Variants in NELL1 observed in about 807,000 individuals in gnomAD.
The protein encoded by NELL1 is protein kinase C-binding protein NELL1.
Under a neutral mutation model 107.4 loss-of-function variants are expected in NELL1, and 76 were observed. The observed-to-expected ratio is 0.71, with a 90% CI of 0.59 to 0.86. The LOEUF (loss-of-function observed/expected upper bound fraction) is 0.86, where lower values mean the gene tolerates loss of function less well. NELL1 is among the 40% of genes least tolerant of loss of function. The pLI, the probability that NELL1 is intolerant of heterozygous loss-of-function variation, is 0.00. For missense variants in NELL1, 1,024 were observed against 1,005.5 expected (o/e 1.02, Z -0.25); for synonymous variants, 353 against 341.2 (o/e 1.03, Z -0.38).
chr11:20,915,717 A>ATATATATATATATATATATTTTTTTTTT, intron 5 of NELL1, among the ~76,000 whole-genome samples: 2 of 58,218 alleles, frequency 3.4e-5, no homozygotes, highest in African/African-American at 1.8e-4. Context: ...ATATATATAT[A>ATATATATATATATATATATTTTTTTTTT]TTTTTTTTTT....
rs779600723 is a variant in NELL1, at chr11:21,570,773, A to G, written c.1990A>G (p.Ile664Val). 1.9e-6 allele frequency: 3 copies of G among 1,611,332 alleles called. No individual in the cohort carries two copies. Among genetic ancestry groups the G allele is most frequent in the South Asian group, 2.2e-5 (2 of 90,972 alleles). ...CTTCATTTCTAAACAGGATGGCAAG[A>G]TATTCTGCCGACGGACAGCTTGTGA... ...CSVCSCKDGK[I>V]FCRRTACDCQ... The change falls in exon 18 of 20, where the codon ATA becomes GTA. Residue 664 changes from isoleucine to valine, a missense_variant. Transcript: ENST00000357134.
intron 14 of NELL1, among the ~76,000 whole-genome samples, chr11:21,280,677 C>CA (rs990797557): frequency 6.6e-6 from 1 of 152,094 alleles, no homozygotes; most frequent in African/African-American, 2.4e-5. Context: ...ACCATCCCAA[C>CA]AGTCAGAACT....
At chr11:21,145,646 C>G (rs1855961345) in intron 13 of NELL1, among the ~76,000 whole-genome samples, 1 of 152,116 alleles carries the variant, frequency 6.6e-6, no homozygotes, top group Non-Finnish European at 1.5e-5. Context: ...TGATCTCTTC[C>G]ACATGTCTTA....
intron 4 of NELL1, among the ~76,000 whole-genome samples, chr11:20,869,502 C>T (rs1849157372): frequency 6.6e-6 from 1 of 152,140 alleles, no homozygotes; most frequent in Non-Finnish European, 1.5e-5. Context: ...ATTTGATCAA[C>T]ATTGTACAGT....
intron 16 of NELL1, among the ~76,000 whole-genome samples, chr11:21,546,254 G>T (rs192922989): frequency 6.4e-4 from 97 of 152,040 alleles, no homozygotes; most frequent in Non-Finnish European, 1.1e-3. Flanking sequence ...GCTTTCCTTT[G>T]TCAGTTTCTG....
chr11:20,680,464 C>G (rs1242492595), intron 2 of NELL1, among the ~76,000 whole-genome samples: 1 of 152,056 alleles, frequency 6.6e-6, no homozygotes, highest in Non-Finnish European at 1.5e-5. Context: ...TGGGTATAAT[C>G]CATTTTGGGG....
intron 12 of NELL1, among the ~76,000 whole-genome samples, chr11:21,072,402 G>A (rs1407645530): frequency 6.6e-6 from 1 of 152,116 alleles, no homozygotes; most frequent in Non-Finnish European, 1.5e-5. Flanking sequence ...TGATCTCTGG[G>A]TTTTATTTAC....
intron 12 of NELL1, among the ~76,000 whole-genome samples, chr11:20,985,486 G>A (rs538729799): frequency 3.9e-5 from 6 of 152,146 alleles, no homozygotes; most frequent in African/African-American, 9.7e-5. Context: ...CAGCTTGGGC[G>A]TATGGACAGC....
chr11:20,791,020 G>A (rs945958245), intron 3 of NELL1, among the ~76,000 whole-genome samples: 1 of 152,210 alleles, frequency 6.6e-6, no homozygotes, highest in Non-Finnish European at 1.5e-5. Flanking sequence ...AATCTTCCAA[G>A]TTTGTTCTTC....
intron 14 of NELL1, among the ~76,000 whole-genome samples, chr11:21,244,591 C>T (rs1160283143): frequency 1.3e-5 from 2 of 152,170 alleles, no homozygotes; most frequent in Non-Finnish European, 2.9e-5. Flanking sequence ...GAATATGACA[C>T]TCTTGGACTC....
At chr11:21,097,623 G>A (rs978191493) in intron 12 of NELL1, among the ~76,000 whole-genome samples, 1 of 152,132 alleles carries the variant, frequency 6.6e-6, no homozygotes, top group African/African-American at 2.4e-5. Context: ...ACAGATGTGA[G>A]TTATTGATTA....
At chr11:21,241,844 T>G (rs1191990772) in intron 14 of NELL1, among the ~76,000 whole-genome samples, 1 of 152,012 alleles carries the variant, frequency 6.6e-6, no homozygotes, top group African/African-American at 2.4e-5. Context: ...TTCATTCAGC[T>G]GTGTTTCATC....
chr11:21,072,166 T>A (rs1565044704), intron 12 of NELL1, among the ~76,000 whole-genome samples: 2 of 152,320 alleles, frequency 1.3e-5, no homozygotes, highest in East Asian at 1.9e-4. Context: ...AAGTTTCTAA[T>A]GTGGCAGGTG....
intron 14 of NELL1, among the ~76,000 whole-genome samples, chr11:21,333,658 C>T (rs1191096571): frequency 6.6e-6 from 1 of 151,988 alleles, no homozygotes; most frequent in East Asian, 1.9e-4. Context: ...AGCTCCTGGA[C>T]TTTGTAAAGA....
intron 14 of NELL1, among the ~76,000 whole-genome samples, chr11:21,307,332 TTGTG>T (rs199714466): frequency 1.5e-4 from 23 of 151,180 alleles, no homozygotes; most frequent in African/African-American, 4.9e-4. Flanking sequence ...GTGTGTGTGT[TTGTG>T]TGTGTGTGTG....
intron 15 of NELL1, among the ~76,000 whole-genome samples, chr11:21,409,371 A>G (rs1024711985): frequency 1.3e-5 from 2 of 152,038 alleles, no homozygotes; most frequent in Non-Finnish European, 2.9e-5. Flanking sequence ...CATAGGTGGG[A>G]ATTGAACAAT....
chr11:21,030,771 T>C (rs1210434733), intron 12 of NELL1, among the ~76,000 whole-genome samples: 1 of 152,146 alleles, frequency 6.6e-6, no homozygotes, highest in African/African-American at 2.4e-5. Flanking sequence ...ATTTAGAGAA[T>C]AAAGACAAAA....
chr11:21,417,681 A>G (rs1203254862), intron 15 of NELL1, among the ~76,000 whole-genome samples: 2 of 152,076 alleles, frequency 1.3e-5, no homozygotes, highest in African/African-American at 4.8e-5. Flanking sequence ...CTTCAGCAGT[A>G]GATGATTGTC....
At chr11:20,977,068 T>G (rs560105756) in intron 12 of NELL1, among the ~76,000 whole-genome samples, 1 of 152,176 alleles carries the variant, frequency 6.6e-6, no homozygotes, top group South Asian at 2.1e-4. Context: ...CGTGTATAGC[T>G]AGAATAAATA....
Sources: gnomAD v4.1 joint callset for allele counts (sites outside exome capture counted in the v4.1 genomes callset) on GRCh38, gnomAD v4.1.1 for gene constraint, MANE v1.5 for transcripts, NCBI Gene and HGNC (gene_info 2026-07-23, HGNC 2026-07-21) for gene names.